YJU2B: variants seen among roughly 807,000 people sequenced by gnomAD.
YJU2B encodes YJU2 splicing factor homolog B.
In YJU2B, 18 loss-of-function variants were observed where a neutral mutation model predicts 38.0. That is an observed-to-expected ratio of 0.47 (90% CI 0.33 to 0.70). The LOEUF is 0.70. YJU2B is among the 30% of genes least tolerant of loss of function. YJU2B has a pLI of 0.02. For missense variants in YJU2B, 538 were observed against 556.3 expected (o/e 0.97, Z 0.33); for synonymous variants, 246 against 225.4 (o/e 1.09, Z -0.82).
At chr19:13,752,922 AAAG>A (rs1037962267) in intron 2 of YJU2B, among the ~76,000 whole-genome samples, 63 of 151,966 alleles carry the variant, frequency 4.1e-4, no homozygotes, top group African/African-American at 1.4e-3. Flanking sequence ...CAAAAAAAAA[AAAG>A]AAGAAAACAA....
intron 9 of YJU2B, 52 bp downstream of exon 9, chr19:13,762,489 G>A (rs1449167098): frequency 2.5e-6 from 4 of 1,594,276 alleles, no homozygotes; most frequent in East Asian, 2.2e-5. Context: ...GAGTTGCCTG[G>A]AGATGGGGGG....
chr19:13,761,924 T>G (rs982176580), intron 8 of YJU2B, among the ~76,000 whole-genome samples: 42 of 151,962 alleles, frequency 2.8e-4, no homozygotes, highest in Non-Finnish European at 3.1e-4. Context: ...GGATTTTGCC[T>G]TGATGGCCAA....
intron 1 of YJU2B, among the ~76,000 whole-genome samples, chr19:13,749,244 T>C (rs1052133500): frequency 6.6e-6 from 1 of 152,224 alleles, no homozygotes; most frequent in Admixed American, 6.5e-5. Flanking sequence ...CCTCAAGTGA[T>C]CCACCTGCCT....
rs767166663 is a variant in YJU2B, at chr19:13,751,824, C to T, written c.3+13C>T. ...AGCTCCCAAGATGGTGAGTAGACAG[C>T]CTCGTGTGCCCTGGGTTTCTCTCCC... is the stretch of plus-strand genomic sequence containing the variant. On this transcript the variant is annotated intron_variant, in intron 2 of 9. Transcript: ENST00000221554. The T allele has an allele frequency of 1.2e-6, 2 of 1,613,868 alleles. No homozygotes were observed. Among genetic ancestry groups the T allele is most frequent in the Middle Eastern group, 1.6e-4 (1 of 6,062 alleles).
chr19:13,749,062 G>A (rs1456692879), intron 1 of YJU2B, among the ~76,000 whole-genome samples: 3 of 152,200 alleles, frequency 2.0e-5, no homozygotes, highest in Non-Finnish European at 4.4e-5. Context: ...GGAGTGCAGT[G>A]GCGTGATCTC....
At chr19:13,745,388 C>T (rs147658020), upstream of YJU2B, among the ~76,000 whole-genome samples, 6 of 152,072 alleles carry the variant, frequency 3.9e-5, no homozygotes, top group Non-Finnish European at 5.9e-5. Context: ...GGAGGCCGGG[C>T]GCAGTGGCTC....
In YJU2B at chr19:13,759,113, G is replaced by T; in HGVS notation, c.414G>T (p.Lys138Asn). ...EQVLTTEHEK[K>N]QKLETDAMFR... ...TGATCGTTGCAGAGCATGAGAAGAA[G>T]CAGAAGCTGGAGACGGACGCCATGT... is the stretch of plus-strand genomic sequence containing the variant. The change falls in exon 8 of 10, where the codon AAG (lysine) becomes AAT (asparagine). Residue 138 changes from lysine to asparagine, a missense_variant. Coordinates refer to ENST00000221554, the MANE Select transcript of YJU2B (RefSeq NM_030818.4). 1 of 1,613,786 alleles carries T rather than the reference G, an allele frequency of 6.2e-7. No individual in the cohort carries two copies. Among genetic ancestry groups the T allele is most frequent in the Non-Finnish European group, 8.5e-7 (1 of 1,179,920 alleles).
At chr19:13,742,750 C>G (rs1973127481) in intron 2 of YJU2B, among the ~76,000 whole-genome samples, 1 of 152,302 alleles carries the variant, frequency 6.6e-6, no homozygotes, top group African/African-American at 2.4e-5. Flanking sequence ...TCTCCCCTCT[C>G]TAGGAAGTCC....
At chr19:13,734,842 C>A (rs1033248084) in intron 2 of YJU2B, among the ~76,000 whole-genome samples, 1 of 152,160 alleles carries the variant, frequency 6.6e-6, no homozygotes, top group African/African-American at 2.4e-5. Flanking sequence ...CCCTGGGGCT[C>A]AAGTGATCCT....
At chr19:13,751,499 G>A (rs1212677604) in intron 1 of YJU2B, 109 bp from the exon 2 acceptor site, 7 of 391,088 alleles carry the variant, frequency 1.8e-5, no homozygotes, top group African/African-American at 6.1e-5. Context: ...GCTGGCCCAC[G>A]TGAGTGATGA....
chr19:13,759,072 A>G (rs917262432), intron 7 of YJU2B, 28 bp from the exon 8 acceptor site: 10 of 1,612,696 alleles, frequency 6.2e-6, no homozygotes, highest in Non-Finnish European at 8.5e-6. Context: ...GGGGCCCCCA[A>G]AGCCCAGCCG....
chr19:13,745,712 TAG>T (rs1484570337), upstream of YJU2B, among the ~76,000 whole-genome samples: 2 of 24,994 alleles, frequency 8.0e-5, no homozygotes, highest in Admixed American at 3.1e-4. Context: ...TAGATATCTA[TAG>T]ATCTATAGAT....
Position 13,759,175 on chromosome 19 carries a change from T to A in YJU2B, c.476T>A (p.Leu159His), listed in dbSNP as rs557191307. 2.7e-5 allele frequency: 44 copies of A among 1,613,374 alleles called. No homozygotes were observed. The Middle Eastern group carries it at 8.3e-4, about 30-fold the overall frequency. ...LEHGEADRST[L>H]KKALPTLSHI... ...CATGGCGAGGCCGACCGCAGCACACTCAAGAAGGCGCTGCCCACACTGAGC... is the reference window on the plus strand; with the variant it reads ...CATGGCGAGGCCGACCGCAGCACACACAAGAAGGCGCTGCCCACACTGAGC... The change falls in exon 8 of 10, where the codon CTC becomes CAC. Residue 159 changes from leucine (L) to histidine (H), a missense_variant. By Grantham distance (99) the Leu-to-His change is moderately conservative. Transcript: ENST00000221554.
chr19:13,740,990 A>T (rs1217800120), intron 2 of YJU2B, among the ~76,000 whole-genome samples: 1 of 151,056 alleles, frequency 6.6e-6, no homozygotes, highest in African/African-American at 2.5e-5. Flanking sequence ...CCAAAGAAAC[A>T]GTGAGATAAT....
At chr19:13,741,827 C>T (rs1247725156) in intron 2 of YJU2B, among the ~76,000 whole-genome samples, 1 of 152,110 alleles carries the variant, frequency 6.6e-6, no homozygotes, top group Non-Finnish European at 1.5e-5. Context: ...TCTTGTTTCT[C>T]CCCATCTCCC....
intron 6 of YJU2B, among the ~76,000 whole-genome samples, chr19:13,758,640 C>T (rs1973759254): frequency 6.6e-6 from 1 of 152,194 alleles, no homozygotes; most frequent in Non-Finnish European, 1.5e-5. Flanking sequence ...AATGAACAAA[C>T]AGCTGAATGA....
chr19:13,740,358 C>A (rs1421657003), intron 2 of YJU2B, among the ~76,000 whole-genome samples: 1 of 151,872 alleles, frequency 6.6e-6, no homozygotes, highest in African/African-American at 2.4e-5. Flanking sequence ...ACTACAGGCA[C>A]GTGCCACTAT....
chr19:13,739,021 A>G (rs34897924), intron 2 of YJU2B, among the ~76,000 whole-genome samples: 14,997 of 152,044 alleles, frequency 0.099, 1,034 homozygotes, highest in Non-Finnish European at 0.15. Flanking sequence ...CCGAGATTGC[A>G]CCACTGCACT....
chr19:13,744,150 C>T (rs1022300879), upstream of YJU2B, among the ~76,000 whole-genome samples: 2 of 151,644 alleles, frequency 1.3e-5, no homozygotes, highest in Admixed American at 6.6e-5. Context: ...GAGATCACGC[C>T]ACAGGACTCC....
Sources: allele counts gnomAD v4.1 joint callset (sites outside exome capture counted in the v4.1 genomes callset), GRCh38; gene constraint gnomAD v4.1.1; transcripts MANE v1.5; gene names NCBI Gene and HGNC (gene_info 2026-07-23, HGNC 2026-07-21).